Variants in DSCAM observed in about 807,000 individuals in gnomAD.
DSCAM encodes cell adhesion molecule DSCAM.
DSCAM carries 47 observed loss-of-function variants against 217.7 expected under a neutral mutation model. The ratio of observed to expected loss-of-function variants is 0.22; its 90% CI spans 0.17 to 0.28. The LOEUF (loss-of-function observed/expected upper bound fraction) is 0.28. Ranked by LOEUF, DSCAM falls within the 10% of genes least tolerant of loss-of-function variation. The pLI is 1.00. For missense variants in DSCAM, 2,080 were observed against 2,618.3 expected (o/e 0.79, Z 4.49); for synonymous variants, 1,056 against 1,015.3 (o/e 1.04, Z -0.76).
chr21:40,591,701 C>T (rs2076985459), intron 3 of DSCAM, among the ~76,000 whole-genome samples: 1 of 152,144 alleles, frequency 6.6e-6, no homozygotes, highest in Non-Finnish European at 1.5e-5. Context: ...AAGAAGTGGT[C>T]ATAGTTATAA....
At chr21:40,661,372 G>C (rs568050002) in intron 3 of DSCAM, among the ~76,000 whole-genome samples, 1 of 152,178 alleles carries the variant, frequency 6.6e-6, no homozygotes, top group Admixed American at 6.5e-5. Flanking sequence ...TTAAGTACCT[G>C]GTTTTTGTTT....
intron 3 of DSCAM, among the ~76,000 whole-genome samples, chr21:40,656,045 C>T (rs1354709181): frequency 6.6e-6 from 1 of 152,124 alleles, no homozygotes; most frequent in African/African-American, 2.4e-5. Flanking sequence ...GAGTGAGACA[C>T]TGTCTCAAAA....
intron 8 of DSCAM, among the ~76,000 whole-genome samples, chr21:40,331,167 G>C (rs1029278726): frequency 5.3e-5 from 8 of 152,222 alleles, no homozygotes; most frequent in Non-Finnish European, 7.3e-5. Context: ...GTGGAAGAAA[G>C]TGACAGATTA....
intron 14 of DSCAM, among the ~76,000 whole-genome samples, chr21:40,185,071 G>A (rs2090878783): frequency 6.6e-6 from 1 of 152,182 alleles, no homozygotes; most frequent in Non-Finnish European, 1.5e-5. Context: ...CCTACTAGGT[G>A]CAGGGAGCCC....
chr21:40,338,439 G>C (rs1198298952), intron 7 of DSCAM, 63 bp from the exon 8 acceptor site: 1 of 1,498,780 alleles, frequency 6.7e-7, no homozygotes, highest in African/African-American at 1.4e-5. Flanking sequence ...AGGGAAATGG[G>C]TACACTTTTC....
At chr21:40,487,534 A>G (rs2076040649) in intron 3 of DSCAM, among the ~76,000 whole-genome samples, 9 of 152,180 alleles carry the variant, frequency 5.9e-5, no homozygotes. Context: ...ATGTGGGTTC[A>G]TGCTGAGAGT....
At chr21:40,393,274 C>T (rs907033904) in intron 3 of DSCAM, among the ~76,000 whole-genome samples, 7 of 152,202 alleles carry the variant, frequency 4.6e-5, no homozygotes, top group Admixed American at 1.3e-4. Context: ...TCCAGATCCA[C>T]GTGCATGACC....
Position 40,012,645 on chromosome 21 carries a change from C to T in DSCAM, c.*389G>A, listed in dbSNP as rs2088077889. On this transcript the variant is annotated 3_prime_UTR_variant, in exon 33 of 33. Coordinates refer to ENST00000400454, the MANE Select transcript of DSCAM (RefSeq NM_001389.5). ...TTTCCCCTGCCCGCAAATCGGTGTTCCTTTTAAATTCACAAATAGGCTGAT... is the reference window on the plus strand; with the variant it reads ...TTTCCCCTGCCCGCAAATCGGTGTTTCTTTTAAATTCACAAATAGGCTGAT... 1 of 154,276 alleles carries T rather than the reference C, an allele frequency of 6.5e-6. No homozygotes were observed. Among genetic ancestry groups the T allele is most frequent in the Admixed American group, 6.5e-5 (1 of 15,300 alleles). The allele number at this position is 154,276 out of a possible 1,614,324, so 9.6% of individuals were successfully genotyped here.
At chr21:40,125,790 A>G (rs926868977) in intron 19 of DSCAM, among the ~76,000 whole-genome samples, 3 of 152,354 alleles carry the variant, frequency 2.0e-5, no homozygotes, top group Admixed American at 2.0e-4. Flanking sequence ...TAAGACATCC[A>G]CAACCTAGTT....
At chr21:40,754,386 T>A (rs1403263595) in intron 1 of DSCAM, among the ~76,000 whole-genome samples, 2 of 152,162 alleles carry the variant, frequency 1.3e-5, no homozygotes, top group African/African-American at 4.8e-5. Context: ...AAAAGTAGTT[T>A]ATGTGAGGTA....
At chr21:40,322,197 C>T (rs754530822) in intron 8 of DSCAM, among the ~76,000 whole-genome samples, 2 of 152,150 alleles carry the variant, frequency 1.3e-5, no homozygotes, top group Non-Finnish European at 2.9e-5. Flanking sequence ...TGCTGCCCCT[C>T]GCCCAGGACA....
chr21:40,739,853 C>T (rs1161995694), intron 1 of DSCAM, among the ~76,000 whole-genome samples: 1 of 147,452 alleles, frequency 6.8e-6, no homozygotes, highest in African/African-American at 2.5e-5. Context: ...TCAGTGGCTT[C>T]TTTCACTTTA....
intron 11 of DSCAM, among the ~76,000 whole-genome samples, chr21:40,238,714 A>T (rs1268632191): frequency 6.6e-6 from 1 of 152,222 alleles, no homozygotes; most frequent in Non-Finnish European, 1.5e-5. Flanking sequence ...ACCATGTCTA[A>T]GTACCGGCTT....
At chr21:40,204,883 T>G (rs1158549775) in intron 11 of DSCAM, among the ~76,000 whole-genome samples, 1 of 152,214 alleles carries the variant, frequency 6.6e-6, no homozygotes, top group Non-Finnish European at 1.5e-5. Flanking sequence ...CTTTGTGTTA[T>G]GGGCTTATGA....
At chr21:40,648,954 C>G (rs2089982540) in intron 3 of DSCAM, among the ~76,000 whole-genome samples, 1 of 152,196 alleles carries the variant, frequency 6.6e-6, no homozygotes, top group African/African-American at 2.4e-5. Context: ...ACAGCAAGCT[C>G]AGCGGGTGGG....
chr21:40,246,236 C>A, intron 11 of DSCAM, among the ~76,000 whole-genome samples: 1 of 151,222 alleles, frequency 6.6e-6, no homozygotes, highest in Admixed American at 6.6e-5. Context: ...AGAAAAGAGG[C>A]TCTGGCATGG....
intron 3 of DSCAM, among the ~76,000 whole-genome samples, chr21:40,439,979 G>A (rs746027753): frequency 2.6e-5 from 4 of 152,190 alleles, no homozygotes; most frequent in Non-Finnish European, 4.4e-5. Context: ...CCTTCCCAAT[G>A]CTCTGTGCCT....
chr21:40,809,352 G>C (rs1054645436), intron 1 of DSCAM, among the ~76,000 whole-genome samples: 9 of 152,196 alleles, frequency 5.9e-5, no homozygotes, highest in South Asian at 2.1e-4. Flanking sequence ...GCTGTTGACT[G>C]GGGGTGGGAC....
At chr21:40,622,714 T>G (rs1227513194) in intron 3 of DSCAM, among the ~76,000 whole-genome samples, 1 of 152,150 alleles carries the variant, frequency 6.6e-6, no homozygotes, top group Non-Finnish European at 1.5e-5. Flanking sequence ...AGCCCACACT[T>G]GACCACAGTC....
Sources: allele counts gnomAD v4.1 joint callset (sites outside exome capture counted in the v4.1 genomes callset), GRCh38; gene constraint gnomAD v4.1.1; transcripts MANE v1.5; gene names NCBI Gene and HGNC (gene_info 2026-07-23, HGNC 2026-07-21).